SLC5A11: variants seen among roughly 807,000 people sequenced by gnomAD.
SLC5A11 encodes sodium/myo-inositol cotransporter 2.
Under a neutral mutation model 69.8 loss-of-function variants are expected in SLC5A11, and 48 were observed. The ratio of observed to expected loss-of-function variants is 0.69; its 90% CI spans 0.55 to 0.87. The LOEUF is 0.87. Among genes scored for constraint, SLC5A11 ranks in the 40% least tolerant of loss-of-function variants. SLC5A11 has a pLI of 0.00. For missense variants in SLC5A11, 784 were observed against 866.1 expected (o/e 0.91, Z 1.19); for synonymous variants, 319 against 342.4 (o/e 0.93, Z 0.75).
At chr16:24,860,885 T>C (rs1316050613) in intron 2 of SLC5A11, among the ~76,000 whole-genome samples, 2 of 151,986 alleles carry the variant, frequency 1.3e-5, no homozygotes, top group Non-Finnish European at 2.9e-5. Context: ...TTTTTTGTAT[T>C]TTTAGTAGAG....
intron 3 of SLC5A11, among the ~76,000 whole-genome samples, chr16:24,868,593 C>T (rs370287537): frequency 0.014 from 1,251 of 86,388 alleles, 21 homozygotes; most frequent in African/African-American, 0.044. Flanking sequence ...CAAGACTCCG[C>T]CTCAAAAAAA....
chr16:24,899,539 G>A (rs1215213707), intron 10 of SLC5A11, among the ~76,000 whole-genome samples: 2 of 151,914 alleles, frequency 1.3e-5, no homozygotes, highest in Non-Finnish European at 2.9e-5. Flanking sequence ...AAGTAGCTGG[G>A]ACTACAGGCA....
chr16:24,888,997 A>C lies in SLC5A11; in HGVS notation c.665-1872A>C, dbSNP rs531118408. On this transcript the variant is annotated intron_variant, in intron 8 of 15. Transcript: ENST00000347898. ...TTTTTAGTAGAGACAGGGTTTCCCC[A>C]TGTGGGCCAGGCTGGTCTTGAATTC... 4.6e-5 allele frequency among the ~76,000 whole-genome samples: 7 copies of C among 151,404 alleles called. No homozygotes were observed. In the South Asian group the frequency reaches 1.5e-3, roughly 32 times the overall value.
chr16:24,852,506 G>T (rs769294365), intron 1 of SLC5A11, among the ~76,000 whole-genome samples: 4 of 152,134 alleles, frequency 2.6e-5, no homozygotes, highest in Non-Finnish European at 5.9e-5. Flanking sequence ...AACACAAGCT[G>T]CCGTGAATCC....
chr16:24,846,482 T>G (rs1344420754), intron 1 of SLC5A11, 44 bp downstream of exon 2: 1 of 152,624 alleles, frequency 6.6e-6, no homozygotes, highest in African/African-American at 2.4e-5. Context: ...CTCTCCAAAC[T>G]GGGAAGTTGG....
Position 24,878,750 on chromosome 16 carries a change from A to G in SLC5A11, c.583+1387A>G, listed in dbSNP as rs139626945. Among the ~76,000 whole-genome samples the G allele has an allele frequency of 5.0e-3, 769 of 152,286 alleles. 8 individuals are homozygous for G. The highest frequency in any genetic ancestry group is 0.018 in the African/African-American group (729 of 41,562). On this transcript the variant is annotated intron_variant, in intron 7 of 15. Coordinates refer to ENST00000347898, the Ensembl canonical transcript of SLC5A11. ...AACAGGGAAATCAATAAATAATGTT[A>G]GGCCAGGTGTGGTGGCTCACGTGTG...
At chr16:24,880,943 C>A (rs1656223676) in intron 7 of SLC5A11, among the ~76,000 whole-genome samples, 2 of 152,096 alleles carry the variant, frequency 1.3e-5, no homozygotes, top group African/African-American at 4.8e-5. Flanking sequence ...GTGGCTCACA[C>A]CTGTAATCCC....
chr16:24,895,226 T>G (rs1020459253), intron 9 of SLC5A11, among the ~76,000 whole-genome samples: 1 of 152,094 alleles, frequency 6.6e-6, no homozygotes, highest in African/African-American at 2.4e-5. Context: ...TGGCAGCTCA[T>G]GCCTGTAATC....
At chr16:24,907,278 A>G in intron 12 of SLC5A11, 103 bp downstream of exon 13, 1 of 1,281,164 alleles carries the variant, frequency 7.8e-7, no homozygotes, top group South Asian at 1.4e-5. Flanking sequence ...GCTGAAGAGC[A>G]TTAGGACTCC....
rs1245583557 is a variant in SLC5A11, at chr16:24,907,007, C to G, written c.1115-18C>G. 1.2e-5 allele frequency: 19 copies of G among 1,611,782 alleles called. No individual in the cohort carries two copies. The highest frequency in any genetic ancestry group is 1.4e-5 in the Non-Finnish European group (17 of 1,178,864). On this transcript the variant is annotated intron_variant, in intron 11 of 15. Coordinates refer to ENST00000347898, the Ensembl canonical transcript of SLC5A11. ...GGCAGAAAAGGACCGAGGCCCATGA[C>G]CTCCCTTCCGCCCCCAGGGCTCCGT... is the stretch of plus-strand genomic sequence containing the variant.
chr16:24,879,157 A>G (rs1240762982), intron 7 of SLC5A11, among the ~76,000 whole-genome samples: 4 of 151,776 alleles, frequency 2.6e-5, no homozygotes, highest in African/African-American at 9.7e-5. Flanking sequence ...TTTTTTTTAC[A>G]TAGAATATTC....
intron 8 of SLC5A11, among the ~76,000 whole-genome samples, chr16:24,889,794 C>A (rs12918808): frequency 4.6e-5 from 7 of 151,610 alleles, no homozygotes; most frequent in Non-Finnish European, 1.5e-5. Flanking sequence ...GCGATTCGCC[C>A]ACCTCGGCCT....
At chr16:24,872,131 C>A (rs1220403633) in intron 4 of SLC5A11, 29 bp from the exon 6 acceptor site, 1 of 1,613,758 alleles carries the variant, frequency 6.2e-7, no homozygotes, top group African/African-American at 1.3e-5. Context: ...GAGCTGGGGG[C>A]CAAGTCCTGA....
In SLC5A11 at chr16:24,873,579, C is replaced by T. The variant is rs1419153485; in HGVS notation, c.372+1360C>T. Among the ~76,000 whole-genome samples the T allele has an allele frequency of 2.6e-5, 4 of 151,738 alleles. No individual in the cohort carries two copies. The East Asian group carries it at 7.8e-4, about 30-fold the overall frequency. On this transcript the variant is annotated intron_variant, in intron 5 of 15. Transcript: ENST00000347898. ...GGAGACTGAGGAGGAGGATTGATTGCTTGAACCCAGGAGATCAGGGCTGCA... is the reference window on the plus strand; with the variant it reads ...GGAGACTGAGGAGGAGGATTGATTGTTTGAACCCAGGAGATCAGGGCTGCA...
chr16:24,891,214 T>C lies in SLC5A11; in HGVS notation c.870+140T>C, dbSNP rs1214651962. ...TTCCTTGACTACTTCCTCCTTTCCA[T>C]TGCTCTACATGCTATTTTATTTCTT... On this transcript the variant is annotated intron_variant, in intron 9 of 15. Coordinates refer to ENST00000347898, the Ensembl canonical transcript of SLC5A11. The C allele has an allele frequency of 6.9e-6, 5 of 728,016 alleles. No homozygotes were observed. The East Asian group carries it at 1.1e-4, about 15-fold the overall frequency. The allele number at this position is 728,016 out of a possible 1,614,324, so 45.1% of individuals were successfully genotyped here.
At chr16:24,852,155 T>C (rs2059341647) in intron 1 of SLC5A11, among the ~76,000 whole-genome samples, 1 of 152,184 alleles carries the variant, frequency 6.6e-6, no homozygotes, top group African/African-American at 2.4e-5. Flanking sequence ...CCCTCCTTTT[T>C]CTTTCATTAT....
At chr16:24,852,792 T>C (rs986329481) in intron 1 of SLC5A11, among the ~76,000 whole-genome samples, 1 of 152,204 alleles carries the variant, frequency 6.6e-6, no homozygotes, top group Non-Finnish European at 1.5e-5. Flanking sequence ...TTAATAAATG[T>C]TTATTTCACT....
exon 13 of SLC5A11, chr16:24,908,090 G>A (rs765241908): frequency 6.2e-7 from 1 of 1,607,424 alleles, no homozygotes; most frequent in South Asian, 1.1e-5. Flanking sequence ...TGTGGCGGTG[G>A]TCTTCATCAT....
chr16:24,853,302 A>G (rs144688064), intron 1 of SLC5A11, among the ~76,000 whole-genome samples: 2 of 128,526 alleles, frequency 1.6e-5, no homozygotes, highest in South Asian at 3.3e-4. Flanking sequence ...ATAAATGTTT[A>G]TTTCACTGAG....
Sources: gnomAD v4.1 joint callset for allele counts (sites outside exome capture counted in the v4.1 genomes callset) on GRCh38, gnomAD v4.1.1 for gene constraint, MANE v1.5 for transcripts, NCBI Gene and HGNC (gene_info 2026-07-23, HGNC 2026-07-21) for gene names.